Variants in HPSE2 observed in about 807,000 individuals in gnomAD.
HPSE2 encodes heparanase 2 (inactive).
In HPSE2, 38 loss-of-function variants were observed where a neutral mutation model predicts 60.5. The ratio of observed to expected loss-of-function variants is 0.63; its 90% CI spans 0.48 to 0.82. The LOEUF is 0.82. HPSE2 is among the 40% of genes least tolerant of loss of function. The pLI is 0.00. For synonymous variants in HPSE2, 295 were observed against 293.2 expected (o/e 1.01, Z -0.06); for missense variants, 713 against 740.4 (o/e 0.96, Z 0.43).
chr10:99,006,929 C>T (rs1171071631), intron 3 of HPSE2, among the ~76,000 whole-genome samples: 3 of 151,994 alleles, frequency 2.0e-5, no homozygotes, highest in African/African-American at 4.8e-5. Context: ...TAGTATGGAG[C>T]CTGGGGCTTC....
chr10:99,168,901 A>G (rs897998353), intron 2 of HPSE2, among the ~76,000 whole-genome samples: 1 of 152,226 alleles, frequency 6.6e-6, no homozygotes, highest in African/African-American at 2.4e-5. Flanking sequence ...TGGTTAAAAA[A>G]TGTCCTGACC....
At chr10:99,049,983 T>C (rs1414413874) in intron 3 of HPSE2, among the ~76,000 whole-genome samples, 1 of 151,946 alleles carries the variant, frequency 6.6e-6, no homozygotes, top group Non-Finnish European at 1.5e-5. Flanking sequence ...CACATGAAAA[T>C]ATAGAGAACA....
chr10:99,077,403 T>C (rs1249264425), intron 3 of HPSE2, among the ~76,000 whole-genome samples: 1 of 152,204 alleles, frequency 6.6e-6, no homozygotes, highest in Admixed American at 6.5e-5. Context: ...TTCATTCTTT[T>C]TCACTTGTTT....
intron 2 of HPSE2, among the ~76,000 whole-genome samples, chr10:99,180,788 G>A (rs1233981838): frequency 6.6e-6 from 1 of 151,166 alleles, no homozygotes; most frequent in Non-Finnish European, 1.5e-5. Context: ...TACTCAGGAG[G>A]CTGAGGCAGG....
At chr10:99,170,884 CT>C (rs1847282384) in intron 2 of HPSE2, among the ~76,000 whole-genome samples, 1 of 152,290 alleles carries the variant, frequency 6.6e-6, no homozygotes, top group South Asian at 2.1e-4. Context: ...CAGGTACAGA[CT>C]TTTTCTTGTC....
At chr10:98,959,929 T>C (rs868318084) in intron 3 of HPSE2, among the ~76,000 whole-genome samples, 14 of 152,248 alleles carry the variant, frequency 9.2e-5, no homozygotes, top group African/African-American at 3.4e-4. Flanking sequence ...GAAGCCAATA[T>C]GCTTCTGCAA....
intron 10 of HPSE2, 26 bp from the exon 11 acceptor site, chr10:98,482,808 G>A (rs868678466): frequency 1.2e-6 from 2 of 1,613,308 alleles, no homozygotes; most frequent in East Asian, 2.2e-5. Context: ...AGAGAGAAGT[G>A]AAAGATGGAA....
intron 2 of HPSE2, among the ~76,000 whole-genome samples, chr10:99,175,102 G>A (rs2805366): frequency 0.86 from 130,892 of 152,176 alleles, 57,463 homozygotes; most frequent in South Asian, 0.97. Context: ...TGCTTTTCCC[G>A]TGGTCTTCAC....
intron 3 of HPSE2, among the ~76,000 whole-genome samples, chr10:99,084,236 C>A (rs1399507483): frequency 6.6e-6 from 1 of 152,110 alleles, no homozygotes; most frequent in Non-Finnish European, 1.5e-5. Context: ...GAAGCATTTG[C>A]TTTTCTTGGT....
At chr10:99,140,259 A>G (rs1390273757) in intron 3 of HPSE2, among the ~76,000 whole-genome samples, 1 of 152,202 alleles carries the variant, frequency 6.6e-6, no homozygotes, top group African/African-American at 2.4e-5. Flanking sequence ...TTGGAATCTC[A>G]GTCCAGTTTG....
At chr10:98,554,523 T>C (rs1041505688) in intron 9 of HPSE2, among the ~76,000 whole-genome samples, 2 of 152,210 alleles carry the variant, frequency 1.3e-5, no homozygotes, top group Non-Finnish European at 2.9e-5. Flanking sequence ...TTAAGTTCTT[T>C]GTGGTCGGAG....
At chr10:98,625,443 T>C (rs984024085) in intron 7 of HPSE2, among the ~76,000 whole-genome samples, 13 of 152,142 alleles carry the variant, frequency 8.5e-5, no homozygotes, top group African/African-American at 3.1e-4. Context: ...CTCAGAAGTG[T>C]TAAAGGTCAA....
chr10:98,988,411 A>G lies in HPSE2; in HGVS notation c.610+155827T>C, dbSNP rs1407337924. 1.1e-4 allele frequency among the ~76,000 whole-genome samples: 16 copies of G among 152,044 alleles called. No homozygotes were observed. In the East Asian group the frequency reaches 3.1e-3, roughly 29 times the overall value. On this transcript the variant is annotated intron_variant, in intron 3 of 11. Transcript: ENST00000370552. The stretch of plus-strand genomic sequence containing the variant: ...CAATCGGGAAAGGATTCCCTATTTA[A>G]TAAATGGTGCTGGGAAAACTGGCTA...
In HPSE2 at chr10:99,073,321, T is replaced by C. The variant is rs112182520; in HGVS notation, c.610+70917A>G. 2.0e-3 allele frequency among the ~76,000 whole-genome samples: 309 copies of C among 152,286 alleles called. 1 individual carries two copies. Among genetic ancestry groups the C allele is most frequent in the African/African-American group, 7.2e-3 (298 of 41,558 alleles). ...TAAAAAGGAACAAGATCATGTCCTT[T>C]GCAGGGACATGGATGGAGCTGGAAG... On this transcript the variant is annotated intron_variant, in intron 3 of 11. Coordinates refer to ENST00000370552, the MANE Select transcript of HPSE2 (RefSeq NM_021828.5).
chr10:98,920,640 G>A (rs1354659454), intron 3 of HPSE2, among the ~76,000 whole-genome samples: 4 of 151,762 alleles, frequency 2.6e-5, no homozygotes, highest in Admixed American at 2.0e-4. Context: ...CACCTCCCTT[G>A]GGCCATATGT....
intron 3 of HPSE2, among the ~76,000 whole-genome samples, chr10:98,806,323 T>C (rs1589857314): frequency 6.6e-6 from 1 of 152,242 alleles, no homozygotes. Context: ...TTGCCCAAAG[T>C]CACCCACAGG....
chr10:98,573,751 T>C (rs1564980026), intron 9 of HPSE2, among the ~76,000 whole-genome samples: 1 of 152,202 alleles, frequency 6.6e-6, no homozygotes, highest in Non-Finnish European at 1.5e-5. Flanking sequence ...ATATGCTAGC[T>C]GTATAGATGA....
intron 6 of HPSE2, among the ~76,000 whole-genome samples, chr10:98,691,627 T>C (rs1259725786): frequency 6.6e-6 from 1 of 152,210 alleles, no homozygotes; most frequent in Non-Finnish European, 1.5e-5. Flanking sequence ...GTTATCCAGA[T>C]AGCCTTTTTG....
At chr10:98,486,131 T>C (rs1296380974) in intron 10 of HPSE2, among the ~76,000 whole-genome samples, 1 of 152,194 alleles carries the variant, frequency 6.6e-6, no homozygotes, top group Non-Finnish European at 1.5e-5. Flanking sequence ...CTCTCCCTGC[T>C]TGGCTTATGG....
Sources: allele counts gnomAD v4.1 joint callset (sites outside exome capture counted in the v4.1 genomes callset), GRCh38; gene constraint gnomAD v4.1.1; transcripts MANE v1.5; gene names NCBI Gene and HGNC (gene_info 2026-07-23, HGNC 2026-07-21).